FSTL5: variants seen among roughly 807,000 people sequenced by gnomAD.
The protein encoded by FSTL5 is follistatin like 5, also known as follistatin-related protein 5.
FSTL5 carries 62 observed loss-of-function variants against 89.1 expected under a neutral mutation model. The observed-to-expected ratio is 0.70, with a 90% CI of 0.57 to 0.86. The LOEUF (loss-of-function observed/expected upper bound fraction) is 0.86. FSTL5 is among the 40% of genes least tolerant of loss of function. The pLI is 0.00. For synonymous variants in FSTL5, 383 were observed against 346.2 expected (o/e 1.11, Z -1.18); for missense variants, 1,057 against 1,001.6 (o/e 1.06, Z -0.75).
intron 4 of FSTL5, among the ~76,000 whole-genome samples, chr4:161,914,055 A>G (rs1733772333): frequency 6.6e-6 from 1 of 152,078 alleles, no homozygotes. Context: ...GGGTGGAATG[A>G]TATGGTTTAG....
chr4:161,587,403 A>G, intron 8 of FSTL5, 52 bp downstream of exon 8: 2 of 1,582,260 alleles, frequency 1.3e-6, no homozygotes, highest in Non-Finnish European at 1.7e-6. Context: ...TTCACTTCCT[A>G]GTAAACTATG....
chr4:161,498,107 C>T (rs999941179), intron 12 of FSTL5, among the ~76,000 whole-genome samples: 1 of 151,228 alleles, frequency 6.6e-6, no homozygotes, highest in Non-Finnish European at 1.5e-5. Context: ...TATATGTATA[C>T]ATAGATAAAT....
At chr4:161,677,076 A>C (rs1205447962) in intron 6 of FSTL5, among the ~76,000 whole-genome samples, 1 of 152,076 alleles carries the variant, frequency 6.6e-6, no homozygotes, top group Non-Finnish European at 1.5e-5. Context: ...ATAAATATTA[A>C]AACATCTCTT....
At chr4:161,460,327 GT>G (rs1733515112) in intron 13 of FSTL5, among the ~76,000 whole-genome samples, 1 of 150,540 alleles carries the variant, frequency 6.6e-6, no homozygotes, top group Non-Finnish European at 1.5e-5. Context: ...CCATGTTGGT[GT>G]GCTGCACCCG....
intron 4 of FSTL5, among the ~76,000 whole-genome samples, chr4:161,792,532 G>T (rs1191490840): frequency 1.3e-5 from 2 of 152,126 alleles, no homozygotes; most frequent in African/African-American, 2.4e-5. Context: ...TCCCTGGTCT[G>T]CCCATGGCTG....
At chr4:161,894,912 A>G (rs992344231) in intron 4 of FSTL5, among the ~76,000 whole-genome samples, 2 of 152,250 alleles carry the variant, frequency 1.3e-5, no homozygotes, top group African/African-American at 4.8e-5. Flanking sequence ...TCTCTCAGCT[A>G]TATCATACTT....
At chr4:161,562,856 T>G (rs1732654744) in intron 8 of FSTL5, among the ~76,000 whole-genome samples, 1 of 152,016 alleles carries the variant, frequency 6.6e-6, no homozygotes, top group South Asian at 2.1e-4. Context: ...CCTCTATGAT[T>G]TTAGACTCCT....
At chr4:161,662,106 T>A (rs1386261709) in intron 6 of FSTL5, among the ~76,000 whole-genome samples, 1 of 152,100 alleles carries the variant, frequency 6.6e-6, no homozygotes, top group Admixed American at 6.6e-5. Flanking sequence ...AATAATGGAG[T>A]GTGTCCATCT....
At chr4:161,440,877 T>C (rs1366996131) in intron 15 of FSTL5, among the ~76,000 whole-genome samples, 2 of 152,134 alleles carry the variant, frequency 1.3e-5, no homozygotes, top group Admixed American at 6.6e-5. Context: ...GAAATCATTG[T>C]GAAGTCCATT....
In FSTL5 at chr4:162,160,390, T is replaced by C. The variant is rs534300348; in HGVS notation, c.-17+3225A>G. ...TCTACAGCTAACCTAAAGTAGGATA[T>C]ACCCAAAAGATTTTGGAGGCGTTGA... On this transcript the variant is annotated intron_variant, in intron 1 of 15. Coordinates refer to ENST00000306100, the MANE Select transcript of FSTL5 (RefSeq NM_020116.5). Among the ~76,000 whole-genome samples, 220 of 151,940 alleles carry C rather than the reference T, an allele frequency of 1.4e-3. 1 individual carries two copies. Among genetic ancestry groups the C allele is most frequent in the African/African-American group, 5.1e-3 (211 of 41,532 alleles).
At chr4:161,624,533 G>A in intron 7 of FSTL5, among the ~76,000 whole-genome samples, 1 of 151,300 alleles carries the variant, frequency 6.6e-6, no homozygotes. Context: ...TTATATTATA[G>A]AGCTACAGAT....
intron 3 of FSTL5, among the ~76,000 whole-genome samples, chr4:161,928,539 T>C (rs1288006145): frequency 6.6e-6 from 1 of 151,800 alleles, no homozygotes; most frequent in African/African-American, 2.4e-5. Flanking sequence ...CCACCAGCAA[T>C]GAATGAGAGT....
intron 1 of FSTL5, among the ~76,000 whole-genome samples, chr4:162,120,397 G>A (rs1731804958): frequency 1.3e-5 from 2 of 151,952 alleles, no homozygotes; most frequent in Admixed American, 6.6e-5. Flanking sequence ...CTATATTGTA[G>A]TTATATTAAC....
chr4:161,552,898 C>T (rs1732264551), intron 8 of FSTL5, among the ~76,000 whole-genome samples: 1 of 151,514 alleles, frequency 6.6e-6, no homozygotes, highest in Non-Finnish European at 1.5e-5. Context: ...AATAATCCTC[C>T]ACAGAACATT....
At chr4:162,062,655 T>C (rs1166076308) in intron 2 of FSTL5, among the ~76,000 whole-genome samples, 1 of 151,090 alleles carries the variant, frequency 6.6e-6, no homozygotes, top group Non-Finnish European at 1.5e-5. Flanking sequence ...AATAATATTT[T>C]AAATATCTTT....
At chr4:161,538,108 CTGTAAAAAAGT>C in intron 10 of FSTL5, 47 bp downstream of exon 10, 2 of 1,546,154 alleles carry the variant, frequency 1.3e-6, no homozygotes, top group Non-Finnish European at 1.8e-6. Flanking sequence ...TTAAAAAAAG[CTGTAAAAAAGT>C]ACGTTGAATA....
intron 12 of FSTL5, among the ~76,000 whole-genome samples, chr4:161,484,606 C>T (rs1394838787): frequency 6.6e-6 from 1 of 152,172 alleles, no homozygotes; most frequent in Non-Finnish European, 1.5e-5. Context: ...TCGCTCTAAA[C>T]TAACCATGCT....
At chr4:161,911,695 T>C (rs994385782) in intron 4 of FSTL5, among the ~76,000 whole-genome samples, 1 of 152,168 alleles carries the variant, frequency 6.6e-6, no homozygotes, top group African/African-American at 2.4e-5. Flanking sequence ...AATTTCTAGC[T>C]AGATGATATG....
rs527752695 is a variant in FSTL5 at position 161,418,264 on chromosome 4, C to T, written c.1842-31815G>A. On this transcript the variant is annotated intron_variant, in intron 15 of 15. Coordinates refer to ENST00000306100, the MANE Select transcript of FSTL5 (RefSeq NM_020116.5). ...CCAAGCTGCCAGGATAATCTCTGTC[C>T]GCCATGACCCTGAACTTGAATTAGT... 5.9e-5 allele frequency among the ~76,000 whole-genome samples: 9 copies of T among 151,950 alleles called. No individual in the cohort carries two copies. In the East Asian group the frequency reaches 1.6e-3, roughly 26 times the overall value.
Sources: allele counts gnomAD v4.1 joint callset (sites outside exome capture counted in the v4.1 genomes callset), GRCh38; gene constraint gnomAD v4.1.1; transcripts MANE v1.5; gene names NCBI Gene and HGNC (gene_info 2026-07-23, HGNC 2026-07-21).